TBC1D7: variants seen among roughly 807,000 people sequenced by gnomAD.
TBC1D7 encodes TBC1 domain family member 7, also known as TBC domain family 7.
In TBC1D7, 33 loss-of-function variants were observed where a neutral mutation model predicts 35.3. That is an observed-to-expected ratio of 0.93 (90% confidence interval 0.71 to 1.25). The LOEUF is 1.25. Among genes scored for constraint, TBC1D7 ranks in the 50% most tolerant of loss-of-function variants. The pLI, the probability that TBC1D7 is intolerant of heterozygous loss-of-function variation, is 0.00. For missense variants in TBC1D7, 362 were observed against 365.3 expected (o/e 0.99, Z 0.07); for synonymous variants, 135 against 129.5 (o/e 1.04, Z -0.29).
At chr6:13,305,617 A>C in intron 7 of TBC1D7, 1 of 171,074 alleles carries the variant, frequency 5.8e-6, no homozygotes. Flanking sequence ...CTTTATTATA[A>C]TTTACCAGGC....
chr6:13,321,584 C>G (rs570377072), intron 3 of TBC1D7, among the ~76,000 whole-genome samples: 23 of 152,214 alleles, frequency 1.5e-4, no homozygotes, highest in Admixed American at 6.5e-4. Context: ...AGTCCTTAAT[C>G]TTCATTGGTG....
intron 4 of TBC1D7, chr6:13,320,210 G>A (rs535497086): frequency 6.5e-6 from 1 of 154,480 alleles, no homozygotes; most frequent in South Asian, 2.0e-4. Context: ...TGATAACCCA[G>A]TGCAATGCCT....
chr6:13,318,040 T>A (rs1783760221), intron 4 of TBC1D7: 1 of 152,754 alleles, frequency 6.5e-6, no homozygotes, highest in African/African-American at 2.4e-5. Flanking sequence ...GACTGGTGGC[T>A]TCCTAAGAAG....
intron 5 of TBC1D7, among the ~76,000 whole-genome samples, chr6:13,315,018 C>T (rs923895884): frequency 3.9e-5 from 6 of 152,162 alleles, no homozygotes; most frequent in Non-Finnish European, 8.8e-5. Flanking sequence ...CTCCCATGTG[C>T]CCCTCCTATG....
intron 1 of TBC1D7, chr6:13,327,910 G>T (rs759219119): frequency 7.2e-5 from 11 of 152,176 alleles, no homozygotes; most frequent in Non-Finnish European, 1.3e-4. Context: ...AGTGAGCAGG[G>T]GAGGGCTTCC....
At chr6:13,314,431 T>C (rs555549060) in intron 5 of TBC1D7, among the ~76,000 whole-genome samples, 1 of 152,316 alleles carries the variant, frequency 6.6e-6, no homozygotes, top group South Asian at 2.1e-4. Context: ...AAATAAAGGA[T>C]GAATTTTTAA....
At chr6:13,326,748 G>T in intron 2 of TBC1D7, 39 bp downstream of exon 2, 2 of 1,316,886 alleles carry the variant, frequency 1.5e-6, no homozygotes, top group South Asian at 1.2e-5. Context: ...CATGTGGAGT[G>T]ATTGAGAACC....
Position 13,328,377 on chromosome 6 carries a change from C to T in TBC1D7, c.-90G>A, listed in dbSNP as rs1784544804. ...AAGCCGTGCCCTGTGCGCTGACCGACCGCCGGGCAGGCGGGCACCGTTGGG... is the reference window on the plus strand; with the variant it reads ...AAGCCGTGCCCTGTGCGCTGACCGATCGCCGGGCAGGCGGGCACCGTTGGG... On this transcript the variant is annotated 5_prime_UTR_variant, in exon 1 of 8. Transcript: ENST00000379300. 1 of 153,102 alleles carries T rather than the reference C, an allele frequency of 6.5e-6. No homozygotes were observed. Among genetic ancestry groups the T allele is most frequent in the South Asian group, 1.9e-4 (1 of 5,352 alleles). The allele number at this position is 153,102 out of a possible 1,614,324, so 9.5% of individuals were successfully genotyped here. A position where few individuals can be genotyped will look rare whatever the true frequency, so the allele number is the denominator to read the frequency against.
chr6:13,306,532 A>C lies in TBC1D7; in HGVS notation c.666-5T>G, dbSNP rs781562333. The C allele has an allele frequency of 1.9e-6, 3 of 1,577,508 alleles. No individual in the cohort carries two copies. Among genetic ancestry groups the C allele is most frequent in the Non-Finnish European group, 2.6e-6 (3 of 1,165,578 alleles). On this transcript the variant is annotated splice_region_variant and splice_polypyrimidine_tract_variant and intron_variant, in intron 6 of 7. Coordinates refer to ENST00000379300, the MANE Select transcript of TBC1D7 (RefSeq NM_016495.6). Reference sequence around the variant, plus strand: ...CTCACAACTTTATCCCAAACCCTACAAAAATAAGGAGATATAATCAAATTA... The same window carrying C: ...CTCACAACTTTATCCCAAACCCTACCAAAATAAGGAGATATAATCAAATTA...
chr6:13,307,662 A>C lies in TBC1D7; in HGVS notation c.603T>G (p.Leu201=). The change falls in exon 6 of 8, where the codon CTT becomes CTG. Residue 201 remains leucine (L), a synonymous_variant. Coordinates refer to ENST00000379300, the MANE Select transcript of TBC1D7 (RefSeq NM_016495.6). ...HLRMCSAAPK[L]PYDLWFKRCF... is the part of the protein sequence containing the mutation. The stretch of plus-strand genomic sequence containing the variant: ...ACCTCTTGAACCAGAGATCATAAGG[A>C]AGTTTGGGCGCCGCGGAACACATCC... The C allele has an allele frequency of 6.2e-7, 1 of 1,614,148 alleles. No homozygotes were observed.
rs1230190109 is a variant in TBC1D7, at chr6:13,320,972, T to C, written c.317A>G (p.Glu106Gly). ...RFVSDATPQAEVYLRMYQLES... is the reference protein window; with the variant it reads ...RFVSDATPQAGVYLRMYQLES... ...CAGCTGATACATGCGGAGATAGACT[T>C]CAGCCTGAGGTGTGGCATCACTAAC... is the stretch of plus-strand genomic sequence containing the variant. Residue 106 changes from glutamate to glycine, a missense_variant, in exon 4 of 8, where the codon GAA becomes GGA. By Grantham distance (98) the Glu-to-Gly change is moderately conservative (BLOSUM62 -2). Transcript: ENST00000379300. The C allele has an allele frequency of 2.5e-6, 4 of 1,614,196 alleles. No individual in the cohort carries two copies. The highest frequency in any genetic ancestry group is 4.5e-5 in the East Asian group (2 of 44,886).
At chr6:13,311,009 A>AC (rs1443407652) in intron 5 of TBC1D7, among the ~76,000 whole-genome samples, 1 of 152,146 alleles carries the variant, frequency 6.6e-6, no homozygotes, top group African/African-American at 2.4e-5. Flanking sequence ...TATTTCTATG[A>AC]CCCCCATAGT....
intron 5 of TBC1D7, among the ~76,000 whole-genome samples, chr6:13,312,030 C>T (rs997762321): frequency 7.2e-5 from 11 of 151,846 alleles, no homozygotes; most frequent in South Asian, 4.2e-4. Flanking sequence ...ATTTCAAATC[C>T]GTGGAAAAAG....
chr6:13,315,329 T>C (rs1783527186), intron 5 of TBC1D7, among the ~76,000 whole-genome samples: 1 of 152,344 alleles, frequency 6.6e-6, no homozygotes, highest in Non-Finnish European at 1.5e-5. Flanking sequence ...ACTTCATAAA[T>C]AGAAAACATA....
rs1232283303 is a variant in TBC1D7 at position 13,326,917 on chromosome 6, A to G, written c.-8-11T>C. 1 of 1,464,134 alleles carries G rather than the reference A, an allele frequency of 6.8e-7. No homozygotes were observed. The highest frequency in any genetic ancestry group is 1.8e-5 in the Admixed American group (1 of 55,128). 90.7% of individuals were successfully genotyped at this position (1,464,134 alleles called of 1,614,324 possible). Reference sequence around the variant, plus strand: ...CAGTCATATTTCATTCTTGGAGGAGACACAGAAAGACAGAAAGGGAGAGAA... The same window carrying G: ...CAGTCATATTTCATTCTTGGAGGAGGCACAGAAAGACAGAAAGGGAGAGAA... On this transcript the variant is annotated splice_polypyrimidine_tract_variant and intron_variant, in intron 1 of 7. Transcript: ENST00000379300.
At chr6:13,319,892 TAA>T (rs1332933244) in intron 4 of TBC1D7, 1 of 152,042 alleles carries the variant, frequency 6.6e-6, no homozygotes, top group South Asian at 2.1e-4. Flanking sequence ...AAGGGAAAAG[TAA>T]AAACTTTCCA....
intron 3 of TBC1D7, among the ~76,000 whole-genome samples, chr6:13,322,472 TATC>T (rs1205294281): frequency 6.6e-6 from 1 of 152,082 alleles, no homozygotes; most frequent in Non-Finnish European, 1.5e-5. Context: ...CAATATCTAA[TATC>T]ATACAGTTGT....
intron 5 of TBC1D7, among the ~76,000 whole-genome samples, chr6:13,307,948 G>A (rs966690665): frequency 6.6e-6 from 1 of 152,208 alleles, no homozygotes; most frequent in African/African-American, 2.4e-5. Context: ...GGACTGAGGA[G>A]TTTCCCAGGA....
At chr6:13,326,646 A>G (rs1305918763) in intron 2 of TBC1D7, 141 bp downstream of exon 2, 8 of 474,988 alleles carry the variant, frequency 1.7e-5, no homozygotes, top group Non-Finnish European at 2.9e-5. Context: ...ATCTTTTCTC[A>G]AAATACACCA....
Sources: allele counts gnomAD v4.1 joint callset (sites outside exome capture counted in the v4.1 genomes callset), GRCh38; gene constraint gnomAD v4.1.1; transcripts MANE v1.5; gene names NCBI Gene and HGNC (gene_info 2026-07-23, HGNC 2026-07-21).